The following BTAF1 variants were observed in gnomAD, a reference collection of about 807,000 sequenced individuals.
BTAF1 encodes B-TFIID TATA-box binding protein associated factor 1.
In BTAF1, 38 loss-of-function variants were observed where a neutral mutation model predicts 227.1. The ratio of observed to expected loss-of-function variants is 0.17; its 90% confidence interval spans 0.13 to 0.22. The LOEUF (loss-of-function observed/expected upper bound fraction) is 0.22. BTAF1 is among the 10% of genes least tolerant of loss of function. The pLI, the probability that BTAF1 is intolerant of heterozygous loss-of-function variation, is 1.00. For missense variants in BTAF1, 1,598 were observed against 2,204.0 expected (o/e 0.73, Z 5.51); for synonymous variants, 742 against 751.9 (o/e 0.99, Z 0.21).
intron 14 of BTAF1, among the ~76,000 whole-genome samples, chr10:91,974,207 G>A (rs889503216): frequency 5.3e-5 from 8 of 152,268 alleles, no homozygotes; most frequent in Middle Eastern, 3.4e-3. Flanking sequence ...GTGTCACTGC[G>A]TTGTAAAGAT....
At chr10:91,993,548 G>C (rs1258276382) in intron 21 of BTAF1, 146 bp from the exon 22 acceptor site, 1 of 634,326 alleles carries the variant, frequency 1.6e-6, no homozygotes, top group Non-Finnish European at 2.4e-6. Flanking sequence ...GTTTATAATT[G>C]AGACAAACAT....
intron 19 of BTAF1, among the ~76,000 whole-genome samples, chr10:91,985,007 A>C (rs1187800432): frequency 6.6e-6 from 1 of 151,904 alleles, no homozygotes. Context: ...TGCTGTTCTG[A>C]GGAAAAATTT....
intron 30 of BTAF1, 126 bp downstream of exon 30, chr10:92,011,541 T>C (rs1484613946): frequency 2.8e-6 from 1 of 363,466 alleles, no homozygotes; most frequent in Admixed American, 5.0e-5. Context: ...ATAGTAATGA[T>C]AATTTTCCAG....
chr10:91,944,194 T>C (rs925389540), intron 4 of BTAF1, among the ~76,000 whole-genome samples: 1 of 151,960 alleles, frequency 6.6e-6, no homozygotes, highest in African/African-American at 2.4e-5. Flanking sequence ...GTGATTCTGA[T>C]ATGTAACCAG....
intron 18 of BTAF1, 37 bp downstream of exon 18, chr10:91,982,798 A>G: frequency 6.5e-7 from 1 of 1,538,790 alleles, no homozygotes; most frequent in Non-Finnish European, 8.8e-7. Context: ...AGACAAATTA[A>G]GTAAACCAAT....
chr10:91,975,710 G>A (rs1472818565), intron 14 of BTAF1, among the ~76,000 whole-genome samples: 2 of 152,152 alleles, frequency 1.3e-5, no homozygotes, highest in African/African-American at 4.8e-5. Flanking sequence ...GGTGTTTGTG[G>A]TAATGCTCAG....
intron 34 of BTAF1, among the ~76,000 whole-genome samples, chr10:92,022,851 G>A (rs909917697): frequency 6.6e-6 from 1 of 152,112 alleles, no homozygotes; most frequent in Non-Finnish European, 1.5e-5. Flanking sequence ...TAATTACATC[G>A]ATCAGACTTG....
chr10:91,955,635 T>C (rs2133875016), intron 6 of BTAF1, among the ~76,000 whole-genome samples: 1 of 152,260 alleles, frequency 6.6e-6, no homozygotes, highest in East Asian at 1.9e-4. Flanking sequence ...TGTGAATATC[T>C]AGGAAAAGTT....
chr10:91,981,792 G>A lies in BTAF1; in HGVS notation c.1905G>A (p.Lys635=). The A allele has an allele frequency of 1.2e-6, 2 of 1,612,252 alleles. No individual in the cohort carries two copies. The highest frequency in any genetic ancestry group is 1.7e-4 in the Middle Eastern group (1 of 6,038). ...TGCTAGAAGTAAAAGCTAGAGCCAA[G>A]GTAAGTGTAGAGGGACATAGTGTAT... ...NMLLEVKARA[K]EKTGGKVRQG... The change falls in exon 16 of 38, where the codon AAG becomes AAA. Residue 635 remains lysine, a splice_region_variant and synonymous_variant. Transcript: ENST00000265990.
chr10:91,947,151 A>G (rs1479987786), intron 4 of BTAF1, among the ~76,000 whole-genome samples: 1 of 152,154 alleles, frequency 6.6e-6, no homozygotes, highest in Non-Finnish European at 1.5e-5. Flanking sequence ...CCTGATTTAC[A>G]CATATTTTCT....
chr10:91,936,476 T>C (rs1844620081), intron 2 of BTAF1, among the ~76,000 whole-genome samples: 1 of 125,206 alleles, frequency 8.0e-6, no homozygotes, highest in South Asian at 2.5e-4. Context: ...TGACCCCCTT[T>C]TTTCATTCTC....
At chr10:92,006,285 A>G (rs1457439852) in intron 25 of BTAF1, among the ~76,000 whole-genome samples, 2 of 152,224 alleles carry the variant, frequency 1.3e-5, no homozygotes, top group Non-Finnish European at 2.9e-5. Flanking sequence ...GCCTTCTCAA[A>G]TAATTGTGGA....
intron 3 of BTAF1, 45 bp downstream of exon 3, chr10:91,940,111 T>A: frequency 8.2e-7 from 1 of 1,223,986 alleles, no homozygotes; most frequent in Non-Finnish European, 1.2e-6. Context: ...AACCTAACTG[T>A]AGAATTAATT....
Position 91,989,264 on chromosome 10 carries a change from C to T in BTAF1, c.2538C>T (p.Asn846=). The change falls in exon 20 of 38, where the codon AAC becomes AAT. Residue 846 remains asparagine (N), a synonymous_variant. Transcript: ENST00000265990. ...TCCAAATGACAGTTACAGAGACCAA[C>T]CAGGAGTGGCAAGTGTTGCAGTTGA... ...QQVQMTVTET[N]QEWQVLQLRV... 6.2e-7 allele frequency: 1 copy of T among 1,614,092 alleles called. No homozygotes were observed. Among genetic ancestry groups the T allele is most frequent in the Non-Finnish European group, 8.5e-7 (1 of 1,180,036 alleles).
chr10:91,964,322 C>A, intron 13 of BTAF1, 121 bp downstream of exon 13: 1 of 1,120,454 alleles, frequency 8.9e-7, no homozygotes, highest in Non-Finnish European at 1.2e-6. Flanking sequence ...GCTGGAGATG[C>A]CAAAGACTAC....
chr10:92,000,058 A>T (rs568788787), intron 25 of BTAF1, among the ~76,000 whole-genome samples: 1 of 152,242 alleles, frequency 6.6e-6, no homozygotes, highest in East Asian at 1.9e-4. Flanking sequence ...AATTTACTAA[A>T]CTGTTTCTTA....
intron 30 of BTAF1, among the ~76,000 whole-genome samples, chr10:92,011,938 G>T (rs1192138803): frequency 2.0e-5 from 3 of 151,942 alleles, no homozygotes; most frequent in East Asian, 1.9e-4. Flanking sequence ...TTCACATCTA[G>T]CTTGGATAGC....
chr10:92,027,358 A>C, intron 37 of BTAF1, 58 bp downstream of exon 37: 1 of 1,476,708 alleles, frequency 6.8e-7, no homozygotes. Flanking sequence ...GTGACTGCTA[A>C]GTTGAAAGTA....
intron 6 of BTAF1, among the ~76,000 whole-genome samples, chr10:91,954,550 G>T (rs1453316285): frequency 6.6e-6 from 1 of 151,496 alleles, no homozygotes; most frequent in Non-Finnish European, 1.5e-5. Context: ...AAAAAAAAAT[G>T]CTGTTTTTTT....
Sources: allele counts gnomAD v4.1 joint callset (sites outside exome capture counted in the v4.1 genomes callset), GRCh38; gene constraint gnomAD v4.1.1; transcripts MANE v1.5; gene names NCBI Gene and HGNC (gene_info 2026-07-23, HGNC 2026-07-21).